The following CR1L variants were observed in gnomAD, a reference collection of about 807,000 sequenced individuals.
The protein encoded by CR1L is complement C3b/C4b receptor 1 like.
Under a neutral mutation model 62.3 loss-of-function variants are expected in CR1L, and 59 were observed. That is an observed-to-expected ratio of 0.95 (90% CI 0.77 to 1.18). The LOEUF is 1.18. CR1L is among the 50% of genes most tolerant of loss of function. The probability of loss-of-function intolerance (pLI) is 0.00; values close to 1 mark genes in which losing one functional copy is unlikely to be tolerated. For synonymous variants in CR1L, 279 were observed against 248.7 expected, an observed-to-expected ratio of 1.12 and a Z score of -1.15; for missense variants, 700 against 702.8, an observed-to-expected ratio of 1.00 and a Z score of 0.04.
chr1:207,692,128 C>T (rs1664006671), intron 4 of CR1L, among the ~76,000 whole-genome samples: 1 of 152,210 alleles, frequency 6.6e-6, no homozygotes, highest in South Asian at 2.1e-4. Context: ...CTGTTTACAT[C>T]TTCACTCGTT....
intron 3 of CR1L, among the ~76,000 whole-genome samples, chr1:207,680,366 A>G (rs986504346): frequency 6.6e-6 from 1 of 152,184 alleles, no homozygotes; most frequent in African/African-American, 2.4e-5. Flanking sequence ...AGTACAGGTA[A>G]AACAGGAAAT....
intron 1 of CR1L, among the ~76,000 whole-genome samples, chr1:207,675,242 G>C (rs558111206): frequency 6.6e-6 from 1 of 151,074 alleles, no homozygotes; most frequent in Admixed American, 6.6e-5. Context: ...TTATTGATAT[G>C]AAAGGAAAAG....
chr1:207,721,246 G>T (rs1171977361), intron 11 of CR1L, among the ~76,000 whole-genome samples: 2 of 151,810 alleles, frequency 1.3e-5, no homozygotes, highest in Admixed American at 6.6e-5. Flanking sequence ...CATTGTGCAG[G>T]TTAGTTACAT....
chr1:207,645,283 C>T lies in CR1L; in HGVS notation c.50C>T (p.Pro17Leu), dbSNP rs199869867. The change falls in exon 1 of 12, where the codon CCT becomes CTT. Residue 17 changes from proline to leucine, a missense_variant. Pro to Leu is a moderately conservative substitution (Grantham distance 98, BLOSUM62 -3). Transcript: ENST00000508064. ...CGTCCCTTTCCTTCCCGGCGCTTTC[C>T]TGGGTTGCTTCTGGCGGCCCTGGTG... ...LERPFPSRRF[P>L]GLLLAALVLL... The T allele has an allele frequency of 1.0e-4, 167 of 1,613,972 alleles. 1 individual carries two copies. In the East Asian group the frequency reaches 2.3e-3, roughly 22 times the overall value.
At chr1:207,707,834 C>T (rs1037935421) in intron 9 of CR1L, among the ~76,000 whole-genome samples, 6 of 86,262 alleles carry the variant, frequency 7.0e-5, no homozygotes, top group East Asian at 5.5e-4. Context: ...TAAGGGAATA[C>T]GCAAACAAAA....
intron 1 of CR1L, among the ~76,000 whole-genome samples, chr1:207,666,620 A>G (rs1663528041): frequency 6.6e-6 from 1 of 152,234 alleles, no homozygotes; most frequent in Non-Finnish European, 1.5e-5. Flanking sequence ...CAAATACTGC[A>G]TGTTCTCACT....
rs149113828 is a variant in CR1L at position 207,702,877 on chromosome 1, G to A, written c.1328+1259G>A. ...GCAGGTGGATCACCTGAGGTCAGGT[G>A]TTCAAGACCAGCCTGACCAATATGG... On this transcript the variant is annotated intron_variant, in intron 9 of 11. Transcript: ENST00000508064. Among the ~76,000 whole-genome samples, 865 of 152,330 alleles carry A rather than the reference G, an allele frequency of 5.7e-3. 6 individuals carry two copies. The highest frequency in any genetic ancestry group is 0.01 in the Middle Eastern group (3 of 294).
chr1:207,701,730 G>A (rs1415693988), intron 9 of CR1L, 112 bp downstream of exon 9: 1 of 1,353,316 alleles, frequency 7.4e-7, no homozygotes, highest in African/African-American at 1.4e-5. Context: ...TGAGAGGTTT[G>A]AACACAGGTA....
chr1:207,671,140 G>A lies in CR1L; in HGVS notation c.98-6249G>A, dbSNP rs145442237. Among the ~76,000 whole-genome samples the A allele has an allele frequency of 5.3e-3, 798 of 151,078 alleles. 62 individuals carry two copies. Among genetic ancestry groups the A allele is most frequent in the Middle Eastern group, 0.017 (5 of 294 alleles). On this transcript the variant is annotated intron_variant, in intron 1 of 11. Transcript: ENST00000508064. Reference sequence around the variant, plus strand: ...CACATCACTGACCTTCAGTGTCCACGTGTATAAAATGAGCATGACTGACAT... The same window carrying A: ...CACATCACTGACCTTCAGTGTCCACATGTATAAAATGAGCATGACTGACAT...
intron 1 of CR1L, among the ~76,000 whole-genome samples, chr1:207,651,639 C>T (rs763747467): frequency 1.1e-4 from 16 of 151,464 alleles, no homozygotes; most frequent in Middle Eastern, 3.4e-3. Flanking sequence ...GATGAGTTGC[C>T]GCAGTAGAAA....
At chr1:207,706,619 A>G (rs186000404) in intron 9 of CR1L, among the ~76,000 whole-genome samples, 44 of 152,248 alleles carry the variant, frequency 2.9e-4, no homozygotes, top group African/African-American at 1.1e-3. Context: ...AAATAAATTT[A>G]TTGACACCAC....
intron 9 of CR1L, 150 bp from the exon 10 acceptor site, chr1:207,708,028 G>T: frequency 1.1e-6 from 1 of 911,346 alleles, no homozygotes; most frequent in East Asian, 2.5e-5. Context: ...AGCAGAAAAA[G>T]AAGTAGAAAA....
chr1:207,713,017 G>A (rs1664382837), intron 10 of CR1L, among the ~76,000 whole-genome samples: 1 of 152,144 alleles, frequency 6.6e-6, no homozygotes, highest in African/African-American at 2.4e-5. Context: ...CAATTAAGGA[G>A]CTGACCTAGT....
At chr1:207,699,306 C>T (rs546081271) in intron 8 of CR1L, 32 bp downstream of exon 8, 4 of 1,612,040 alleles carry the variant, frequency 2.5e-6, no homozygotes, top group South Asian at 2.2e-5. Context: ...TCAGGCCAAT[C>T]TCTCCCCTTC....
intron 1 of CR1L, chr1:207,652,467 C>T (rs1429661792): frequency 2.1e-5 from 17 of 823,404 alleles, no homozygotes; most frequent in Non-Finnish European, 3.6e-5. Context: ...TTCTGTACTA[C>T]CTGCTGCCAG....
chr1:207,717,668 G>T lies in CR1L; in HGVS notation c.1619G>T (p.Arg540Leu), dbSNP rs376416526. ...GGGGTTTGGAGCAGCCCTGCCCCTC[G>T]CTGTGAACTTCCTGTTGGTGCTGGT... is the stretch of plus-strand genomic sequence containing the variant. Reference protein sequence around the residue: ...GNGVWSSPAPRCELPVGAGSH... With the variant: ...GNGVWSSPAPLCELPVGAGSH... Residue 540 changes from arginine (R) to leucine (L), a missense_variant, in exon 11 of 12, where the codon CGC (arginine) becomes CTC (leucine). Transcript: ENST00000508064. 1.4e-5 allele frequency: 23 copies of T among 1,613,940 alleles called. No individual in the cohort carries two copies. The highest frequency in any genetic ancestry group is 3.3e-4 in the Middle Eastern group (2 of 6,062).
intron 3 of CR1L, among the ~76,000 whole-genome samples, chr1:207,682,280 T>G (rs996179599): frequency 4.3e-4 from 65 of 152,174 alleles, no homozygotes; most frequent in Admixed American, 1.2e-3. Context: ...AAGACCACCC[T>G]AGTCAACATG....
intron 1 of CR1L, among the ~76,000 whole-genome samples, chr1:207,666,692 G>C (rs1029630141): frequency 6.6e-6 from 1 of 152,180 alleles, no homozygotes; most frequent in Non-Finnish European, 1.5e-5. Flanking sequence ...CACATACTGG[G>C]ATCTATTGGA....
intron 10 of CR1L, chr1:207,710,672 G>T (rs1410918088): frequency 6.2e-7 from 1 of 1,609,988 alleles, no homozygotes; most frequent in Non-Finnish European, 8.5e-7. Context: ...TTCCTTAAAT[G>T]AAGTTGTGGA....
Sources: gnomAD v4.1 joint callset for allele counts (sites outside exome capture counted in the v4.1 genomes callset) on GRCh38, gnomAD v4.1.1 for gene constraint, MANE v1.5 for transcripts, NCBI Gene and HGNC (gene_info 2026-07-23, HGNC 2026-07-21) for gene names.